JAZF1: variants seen among roughly 807,000 people sequenced by gnomAD.
JAZF1 encodes JAZF zinc finger 1.
In JAZF1, 8 loss-of-function variants were observed where a neutral mutation model predicts 26.4. The observed-to-expected ratio is 0.30, with a 90% CI of 0.18 to 0.55. The LOEUF (loss-of-function observed/expected upper bound fraction) is 0.55. Among genes scored for constraint, JAZF1 ranks in the 20% least tolerant of loss-of-function variants. The pLI is 0.94. For synonymous variants in JAZF1, 126 were observed against 122.3 expected (o/e 1.03, Z -0.20); for missense variants, 199 against 322.0 (o/e 0.62, Z 2.92).
At chr7:27,927,967 A>C (rs958286878) in intron 2 of JAZF1, among the ~76,000 whole-genome samples, 1 of 152,182 alleles carries the variant, frequency 6.6e-6, no homozygotes, top group African/African-American at 2.4e-5. Flanking sequence ...TACAAGGCCC[A>C]CATGCAACAT....
chr7:28,105,197 T>C (rs1784532188), intron 1 of JAZF1, among the ~76,000 whole-genome samples: 1 of 152,198 alleles, frequency 6.6e-6, no homozygotes, highest in Non-Finnish European at 1.5e-5. Flanking sequence ...CCAAAGTCTC[T>C]TGGCAAGTAG....
At chr7:28,017,591 G>C (rs554629487) in intron 1 of JAZF1, among the ~76,000 whole-genome samples, 2 of 152,296 alleles carry the variant, frequency 1.3e-5, no homozygotes, top group Admixed American at 6.5e-5. Context: ...AATCCATGTG[G>C]AACTGCAGGC....
At chr7:28,027,005 T>G (rs1051679057) in intron 1 of JAZF1, among the ~76,000 whole-genome samples, 1 of 152,224 alleles carries the variant, frequency 6.6e-6, no homozygotes, top group East Asian at 1.9e-4. Context: ...AAAAACAGAC[T>G]CTTTAATTTA....
Position 27,874,208 on chromosome 7 carries a change from TG to T in JAZF1, c.385+21011del, listed in dbSNP as rs554996844. Among the ~76,000 whole-genome samples, 9 of 152,366 alleles carry T rather than the reference TG, an allele frequency of 5.9e-5. No homozygotes were observed. In the East Asian group the frequency reaches 1.7e-3, roughly 29 times the overall value. ...CATGGGCTCGTGCCAGCCCTGGCCCTGATCCCACACCACAGAACCCATGTGG... is the reference window on the plus strand; with the variant it reads ...CATGGGCTCGTGCCAGCCCTGGCCCTATCCCACACCACAGAACCCATGTGG... On this transcript the variant is annotated intron_variant, in intron 3 of 4. Coordinates refer to ENST00000283928, the MANE Select transcript of JAZF1 (RefSeq NM_175061.4).
intron 2 of JAZF1, among the ~76,000 whole-genome samples, chr7:27,951,193 C>A (rs1048758802): frequency 6.6e-6 from 1 of 152,120 alleles, no homozygotes; most frequent in Non-Finnish European, 1.5e-5. Flanking sequence ...CTTATCACTC[C>A]TATTTAAATA....
chr7:28,065,770 C>T (rs1188054612), intron 1 of JAZF1, among the ~76,000 whole-genome samples: 2 of 151,988 alleles, frequency 1.3e-5, no homozygotes, highest in African/African-American at 2.4e-5. Context: ...CTATATTTGT[C>T]CTTCTTTTTA....
At chr7:28,083,679 T>C (rs1274761303) in intron 1 of JAZF1, among the ~76,000 whole-genome samples, 1 of 152,088 alleles carries the variant, frequency 6.6e-6, no homozygotes, top group African/African-American at 2.4e-5. Flanking sequence ...CAATTAATGC[T>C]ACTGCTGCCT....
intron 1 of JAZF1, among the ~76,000 whole-genome samples, chr7:28,003,018 T>G (rs1281715265): frequency 2.0e-5 from 3 of 152,158 alleles, no homozygotes; most frequent in African/African-American, 7.2e-5. Context: ...ACTCTTGAAC[T>G]GAGCACCTCC....
intron 1 of JAZF1, among the ~76,000 whole-genome samples, chr7:28,033,955 C>G (rs1783237070): frequency 6.6e-6 from 1 of 152,126 alleles, no homozygotes; most frequent in Non-Finnish European, 1.5e-5. Context: ...GTTGGCCAAG[C>G]TGGTCTTGAA....
chr7:27,866,306 T>G (rs2128337035), intron 3 of JAZF1, among the ~76,000 whole-genome samples: 1 of 152,340 alleles, frequency 6.6e-6, no homozygotes, highest in Non-Finnish European at 1.5e-5. Context: ...AACGGCTTCA[T>G]CCTTCCATTA....
intron 3 of JAZF1, among the ~76,000 whole-genome samples, chr7:27,858,351 T>G (rs1216026610): frequency 6.6e-6 from 1 of 152,180 alleles, no homozygotes; most frequent in East Asian, 1.9e-4. Context: ...AAGCTACCAT[T>G]GACTTTCTTC....
At chr7:27,914,047 G>A (rs992713468) in intron 2 of JAZF1, among the ~76,000 whole-genome samples, 12 of 152,282 alleles carry the variant, frequency 7.9e-5, no homozygotes, top group Middle Eastern at 6.8e-3. Context: ...TAAGAGGGGC[G>A]GGAGAACTGA....
chr7:27,855,351 C>A (rs563376778), intron 3 of JAZF1, among the ~76,000 whole-genome samples: 3 of 151,974 alleles, frequency 2.0e-5, no homozygotes, highest in Admixed American at 2.0e-4. Context: ...CAAAAGCTAG[C>A]AGAAGACAAG....
At chr7:28,124,563 C>T (rs1278901801) in intron 1 of JAZF1, among the ~76,000 whole-genome samples, 1 of 152,178 alleles carries the variant, frequency 6.6e-6, no homozygotes, top group Non-Finnish European at 1.5e-5. Flanking sequence ...GGGGGCTGAG[C>T]CAGAACTTGA....
At position 27,833,082 on chromosome 7, in the gene JAZF1, T is replaced by C. The variant is rs1015704834; in HGVS notation, c.556-106A>G. On this transcript the variant is annotated intron_variant, in intron 4 of 4. Coordinates refer to ENST00000283928, the MANE Select transcript of JAZF1 (RefSeq NM_175061.4). Reference sequence around the variant, plus strand: ...TTGCAGTTCCTGGATGGCAGCTGTTTAGAGTGTAGTCTTTTGCAAGGACTC... The same window carrying C: ...TTGCAGTTCCTGGATGGCAGCTGTTCAGAGTGTAGTCTTTTGCAAGGACTC... 8 of 830,670 alleles carry C rather than the reference T, an allele frequency of 9.6e-6. No individual in the cohort carries two copies. In the South Asian group the frequency reaches 1.5e-4, roughly 16 times the overall value. 51.5% of individuals were successfully genotyped at this position (830,670 alleles called of 1,614,324 possible).
At chr7:28,123,568 AGTGTCTGTG>A (rs1429913000) in intron 1 of JAZF1, among the ~76,000 whole-genome samples, 1 of 152,264 alleles carries the variant, frequency 6.6e-6, no homozygotes, top group Non-Finnish European at 1.5e-5. Context: ...CCTTCTCTAT[AGTGTCTGTG>A]TCATTATATT....
chr7:28,064,975 G>C (rs1247561753), intron 1 of JAZF1, among the ~76,000 whole-genome samples: 1 of 152,168 alleles, frequency 6.6e-6, no homozygotes, highest in Non-Finnish European at 1.5e-5. Flanking sequence ...GGCATTTGTA[G>C]ATCCTGAGTC....
At chr7:28,051,059 G>A (rs934510975) in intron 1 of JAZF1, among the ~76,000 whole-genome samples, 79 of 150,214 alleles carry the variant, frequency 5.3e-4, no homozygotes, top group African/African-American at 1.9e-3. Context: ...GTGAACCTGG[G>A]AGGTGGAGGT....
At chr7:28,078,376 T>C (rs1784086880) in intron 1 of JAZF1, among the ~76,000 whole-genome samples, 1 of 152,250 alleles carries the variant, frequency 6.6e-6, no homozygotes, top group South Asian at 2.1e-4. Context: ...GAGACCATCA[T>C]ATGTGCATGT....
Sources: gnomAD v4.1 joint callset for allele counts (sites outside exome capture counted in the v4.1 genomes callset) on GRCh38, gnomAD v4.1.1 for gene constraint, MANE v1.5 for transcripts, NCBI Gene and HGNC (gene_info 2026-07-23, HGNC 2026-07-21) for gene names.